The following FBN2 variants were observed in gnomAD, a reference collection of about 807,000 sequenced individuals.
The protein encoded by FBN2 is fibrillin-2.
Under a neutral mutation model 355.6 loss-of-function variants are expected in FBN2, and 105 were observed. That is an observed-to-expected ratio of 0.30 (90% CI 0.25 to 0.35). The LOEUF (loss-of-function observed/expected upper bound fraction) is 0.35. Among genes scored for constraint, FBN2 ranks in the 10% least tolerant of loss-of-function variants. The pLI is 1.00. For missense variants in FBN2, 3,280 were observed against 3,758.7 expected (o/e 0.87, Z 3.33); for synonymous variants, 1,350 against 1,301.2 (o/e 1.04, Z -0.81).
In FBN2 at chr5:128,262,482, CT is replaced by C. The variant is rs573114346; in HGVS notation, c.8193-576del. Among the ~76,000 whole-genome samples the C allele has an allele frequency of 1.8e-3, 280 of 152,318 alleles. 1 individual carries two copies. Among genetic ancestry groups the C allele is most frequent in the African/African-American group, 6.4e-3 (268 of 41,572 alleles). On this transcript the variant is annotated intron_variant, in intron 63 of 64. Transcript: ENST00000262464. ...AGACTGAAGTACTGAGCATAATTAA[CT>C]CCAGAAGGTAAAAGTAAGGTATGAA...
Position 128,339,176 on chromosome 5 carries a change from G to T in FBN2, c.3344-115C>A, listed in dbSNP as rs536900048. Reference sequence around the variant, plus strand: ...GAAATTGCTGGCTAACAGTACAAGGGTATGTTTTCAGTAGACCCAGATAGA... The same window carrying T: ...GAAATTGCTGGCTAACAGTACAAGGTTATGTTTTCAGTAGACCCAGATAGA... On this transcript the variant is annotated intron_variant, in intron 25 of 64. Transcript: ENST00000262464. 5 of 1,082,914 alleles carry T rather than the reference G, an allele frequency of 4.6e-6. No homozygotes were observed. In the South Asian group the frequency reaches 6.4e-5, roughly 14 times the overall value. 67.1% of individuals were successfully genotyped at this position (1,082,914 alleles called of 1,614,324 possible). A position where few individuals can be genotyped will look rare whatever the true frequency, so the allele number is the denominator to read the frequency against.
chr5:128,467,119 C>T (rs948671437), intron 5 of FBN2, among the ~76,000 whole-genome samples: 1 of 152,112 alleles, frequency 6.6e-6, no homozygotes, highest in Non-Finnish European at 1.5e-5. Flanking sequence ...AATAAACCAA[C>T]TTGACAGTAG....
intron 5 of FBN2, among the ~76,000 whole-genome samples, chr5:128,508,767 G>A (rs1452939465): frequency 6.6e-6 from 1 of 151,828 alleles, no homozygotes; most frequent in Non-Finnish European, 1.5e-5. Flanking sequence ...ATTTCTTACT[G>A]TGCAGGTGAC....
intron 6 of FBN2, among the ~76,000 whole-genome samples, chr5:128,450,262 C>T (rs1754202119): frequency 6.6e-6 from 1 of 151,936 alleles, no homozygotes; most frequent in Non-Finnish European, 1.5e-5. Context: ...AGAATATTTA[C>T]CAAGAAAGAC....
intron 48 of FBN2, among the ~76,000 whole-genome samples, chr5:128,296,007 T>C (rs1378367688): frequency 6.6e-6 from 1 of 151,886 alleles, no homozygotes; most frequent in Non-Finnish European, 1.5e-5. Flanking sequence ...TTGAGATACG[T>C]CCCATCAATA....
rs767298594 is a variant in FBN2, at chr5:128,291,540, C to T, written c.6281G>A (p.Arg2094Gln). 16 of 1,613,892 alleles carry T rather than the reference C, an allele frequency of 9.9e-6. No homozygotes were observed. The highest frequency in any genetic ancestry group is 5.3e-5 in the African/African-American group (4 of 75,014). ...PPGFVLSDNG[R>Q]RCFDTRQSFC... ...ATGCCAAATCTTACCAAAGCATCTC[C>T]GTCCATTATCAGATAGTACAAAGCC... is the stretch of plus-strand genomic sequence containing the variant. The change falls in exon 49 of 65, where the codon CGG (arginine) becomes CAG (glutamine). Residue 2094 changes from arginine (R) to glutamine (Q), a missense_variant. By Grantham distance (43) the Arg-to-Gln change is conservative. Transcript: ENST00000262464.
chr5:128,282,648 G>A (rs909970415), intron 55 of FBN2, among the ~76,000 whole-genome samples: 2 of 152,188 alleles, frequency 1.3e-5, no homozygotes, highest in Non-Finnish European at 1.5e-5. Context: ...AAAAAAAGTT[G>A]CCTGATTCTT....
At chr5:128,532,962 C>G (rs80192735) in intron 2 of FBN2, among the ~76,000 whole-genome samples, 1 of 152,128 alleles carries the variant, frequency 6.6e-6, no homozygotes, top group South Asian at 2.1e-4. Context: ...GCAGCTTGAG[C>G]CCGAGAGGTC....
chr5:128,490,777 A>G (rs972947761), intron 5 of FBN2, among the ~76,000 whole-genome samples: 2 of 152,224 alleles, frequency 1.3e-5, no homozygotes, highest in African/African-American at 4.8e-5. Flanking sequence ...TAAAAAATAA[A>G]TTCATCTCTT....
In FBN2 at chr5:128,334,714, C is replaced by G; in HGVS notation, c.4099+5G>C. ...AAATACAGAGAACACAAGCTTGAAACCTACCTGTACATCCTGTGGTCCCCT... is the reference window on the plus strand; with the variant it reads ...AAATACAGAGAACACAAGCTTGAAAGCTACCTGTACATCCTGTGGTCCCCT... On this transcript the variant is annotated splice_donor_5th_base_variant and intron_variant, in intron 31 of 64. Transcript: ENST00000262464. 1 of 1,614,152 alleles carries G rather than the reference C, an allele frequency of 6.2e-7. No individual in the cohort carries two copies. Among genetic ancestry groups the G allele is most frequent in the Non-Finnish European group, 8.5e-7 (1 of 1,179,986 alleles).
rs1384353606 is a variant in FBN2, at chr5:128,311,543, C to T, written c.4949-118G>A. The T allele has an allele frequency of 6.3e-5, 68 of 1,080,606 alleles. No individual in the cohort carries two copies. The Middle Eastern group carries it at 7.9e-4, about 13-fold the overall frequency. The allele number at this position is 1,080,606 out of a possible 1,614,324, so 66.9% of individuals were successfully genotyped here. A position where few individuals can be genotyped will look rare whatever the true frequency, so the allele number is the denominator to read the frequency against. On this transcript the variant is annotated intron_variant, in intron 38 of 64. Coordinates refer to ENST00000262464, the MANE Select transcript of FBN2 (RefSeq NM_001999.4). ...TCAGATTTCTATGCATCCAAATGAACGCACACTTAGATGGCAAGTTTATTC... is the reference window on the plus strand; with the variant it reads ...TCAGATTTCTATGCATCCAAATGAATGCACACTTAGATGGCAAGTTTATTC...
intron 6 of FBN2, among the ~76,000 whole-genome samples, chr5:128,447,493 T>C (rs1345267022): frequency 6.6e-6 from 1 of 152,112 alleles, no homozygotes; most frequent in Non-Finnish European, 1.5e-5. Context: ...GATGAGGAAA[T>C]TCCCGCCTAA....
rs58297481 is a variant in FBN2, at chr5:128,530,782, G to T, written c.338-89C>A. On this transcript the variant is annotated intron_variant, in intron 2 of 64. Transcript: ENST00000262464. ...AGAAAGCTGTATTTAAAAATAAAAA[G>T]CCTGAAAAACTAAGATAAAATATAT... The T allele has an allele frequency of 6.5e-3, 5,726 of 878,904 alleles. 241 individuals carry two copies. In the African/African-American group the frequency reaches 0.089, roughly 14 times the overall value. The allele number at this position is 878,904 out of a possible 1,614,324, so 54.4% of individuals were successfully genotyped here.
chr5:128,283,831 CAGT>C (rs2126813867), intron 55 of FBN2, among the ~76,000 whole-genome samples: 1 of 152,310 alleles, frequency 6.6e-6, no homozygotes, highest in Non-Finnish European at 1.5e-5. Flanking sequence ...TATCAGTTAA[CAGT>C]AGCATCAAGT....
chr5:128,269,315 A>C (rs1561739393), intron 62 of FBN2, among the ~76,000 whole-genome samples: 1 of 149,456 alleles, frequency 6.7e-6, no homozygotes. Context: ...TAAACTAATA[A>C]TAATTAACCA....
Position 128,286,748 on chromosome 5 carries a change from C to T in FBN2, c.6982G>A (p.Ala2328Thr), listed in dbSNP as rs199910288. The T allele has an allele frequency of 6.2e-7, 1 of 1,614,052 alleles. No individual in the cohort carries two copies. The highest frequency in any genetic ancestry group is 1.3e-5 in the African/African-American group (1 of 74,938). The change falls in exon 55 of 65, where the codon GCC becomes ACC. Residue 2328 changes from alanine (A) to threonine (T), a missense_variant. Physicochemically the swap from Ala to Thr is moderately conservative, Grantham distance 58. Transcript: ENST00000262464. ...CAGCCTTCTCCATCGGGCCTTCGGGCCATTCCAGGAGGGCAGATGCACATG... is the reference window on the plus strand; with the variant it reads ...CAGCCTTCTCCATCGGGCCTTCGGGTCATTCCAGGAGGGCAGATGCACATG... ...TFMCICPPGM[A>T]RRPDGEGCVD...
At chr5:128,278,140 G>GAA in intron 57 of FBN2, 135 bp from the exon 58 acceptor site, 1 of 863,636 alleles carries the variant, frequency 1.2e-6, no homozygotes, top group Non-Finnish European at 1.9e-6. Context: ...TGGAGCACCT[G>GAA]TTCATCATTC....
chr5:128,440,096 C>T (rs1384576205), intron 7 of FBN2, among the ~76,000 whole-genome samples: 1 of 152,120 alleles, frequency 6.6e-6, no homozygotes, highest in Non-Finnish European at 1.5e-5. Context: ...TATTTACATG[C>T]TAGTACCATA....
chr5:128,535,274 C>T (rs1190088986), intron 2 of FBN2, among the ~76,000 whole-genome samples: 1 of 152,142 alleles, frequency 6.6e-6, no homozygotes, highest in Admixed American at 6.5e-5. Context: ...GATTTCATCT[C>T]TTTTTTAAAA....
Sources: gnomAD v4.1 joint callset for allele counts (sites outside exome capture counted in the v4.1 genomes callset) on GRCh38, gnomAD v4.1.1 for gene constraint, MANE v1.5 for transcripts, NCBI Gene and HGNC (gene_info 2026-07-23, HGNC 2026-07-21) for gene names.